Variants in CDH23 observed in about 807,000 individuals in gnomAD.
The protein encoded by CDH23 is cadherin-23.
A neutral mutation model predicts 317.1 loss-of-function variants in CDH23; 189 were observed. The ratio of observed to expected loss-of-function variants is 0.60; its 90% CI spans 0.53 to 0.67. The LOEUF (loss-of-function observed/expected upper bound fraction) is 0.67. Ranked by LOEUF, CDH23 falls within the 30% of genes least tolerant of loss-of-function variation. The pLI, the probability that CDH23 is intolerant of heterozygous loss-of-function variation, is 0.00. For missense variants in CDH23, 4,401 were observed against 4,592.4 expected (o/e 0.96, Z 1.20); for synonymous variants, 1,839 against 1,876.8 (o/e 0.98, Z 0.52).
At chr10:71,778,026 G>A in intron 39 of CDH23, 125 bp downstream of exon 39, 1 of 1,422,440 alleles carries the variant, frequency 7.0e-7, no homozygotes, top group Non-Finnish European at 9.6e-7. Flanking sequence ...GGGGCACTCA[G>A]TGTGGGAGGA....
Position 71,802,951 on chromosome 10 carries a change from C to A in CDH23, c.7536C>A (p.Pro2512=), listed in dbSNP as rs773952857. 1 of 1,614,030 alleles carries A rather than the reference C, an allele frequency of 6.2e-7. No homozygotes were observed. The highest frequency in any genetic ancestry group is 8.5e-7 in the Non-Finnish European group (1 of 1,179,904). ...VNDCRPQFSK[P]QFSTSVYENE... ...ACTGCCGGCCACAGTTCTCCAAGCC[C>A]CAGTTCAGCACAAGCGTGTATGAGA... Residue 2512 remains proline, a synonymous_variant, in exon 54 of 70, where the codon CCC becomes CCA. Coordinates refer to ENST00000224721, the MANE Select transcript of CDH23 (RefSeq NM_022124.6).
intron 3 of CDH23, among the ~76,000 whole-genome samples, chr10:71,447,473 G>A (rs1490386393): frequency 6.6e-5 from 10 of 152,044 alleles, no homozygotes; most frequent in Non-Finnish European, 1.5e-4. Context: ...TTTTTTCAGG[G>A]GGTGCTGGGC....
chr10:71,712,870 A>G (rs777616794), intron 28 of CDH23, 57 bp downstream of exon 28: 9 of 1,577,170 alleles, frequency 5.7e-6, no homozygotes, highest in Non-Finnish European at 7.8e-6. Context: ...GGAGCCACAC[A>G]CGGCCCTGAG....
chr10:71,422,233 A>C (rs2131953983), intron 1 of CDH23, among the ~76,000 whole-genome samples: 1 of 152,148 alleles, frequency 6.6e-6, no homozygotes, highest in East Asian at 1.9e-4. Context: ...TCATCTTGAA[A>C]TCACTGGTTC....
At chr10:71,403,430 TTCCTTCCTTCCTTCCTTCCTTCCTTTCC>T (rs1564558314) in intron 1 of CDH23, among the ~76,000 whole-genome samples, 1 of 75,020 alleles carries the variant, frequency 1.3e-5, no homozygotes, top group Non-Finnish European at 2.3e-5. Context: ...CCTTCCTTCC[TTCCTTCCTTCCTTCCTTCCTTCCTTTCC>T]TTCCTTCCTT....
intron 9 of CDH23, among the ~76,000 whole-genome samples, chr10:71,582,844 C>T (rs1858737271): frequency 1.3e-5 from 2 of 152,188 alleles, no homozygotes; most frequent in African/African-American, 4.8e-5. Flanking sequence ...TGGGAACCTG[C>T]AGTTTGGTCA....
chr10:71,653,057 C>T (rs888835268), intron 14 of CDH23, among the ~76,000 whole-genome samples: 15 of 152,018 alleles, frequency 9.9e-5, no homozygotes, highest in Admixed American at 3.9e-4. Context: ...CCTCCTCTCT[C>T]AGCTCCCATC....
intron 11 of CDH23, among the ~76,000 whole-genome samples, chr10:71,632,310 G>T (rs1862051015): frequency 6.6e-6 from 1 of 152,152 alleles, no homozygotes; most frequent in Admixed American, 6.5e-5. Flanking sequence ...CTCCTATACA[G>T]CTAGAAAGGC....
At position 71,790,395 on chromosome 10, in the gene CDH23, G is replaced by A; in HGVS notation, c.6031G>A (p.Asp2011Asn). 1 of 1,613,222 alleles carries A rather than the reference G, an allele frequency of 6.2e-7. No homozygotes were observed. Among genetic ancestry groups the A allele is most frequent in the Non-Finnish European group, 8.5e-7 (1 of 1,179,760 alleles). ...GCTGGGTGCCCAGAGTGGCCTCTTT[G>A]ACATCAACAGCAGCACCGGTGAGGC... ...QLLGAQSGLF[D>N]INSSTGVVTV... Residue 2011 changes from aspartate to asparagine, a missense_variant, in exon 46 of 70, where the codon GAC (aspartate) becomes AAC (asparagine). Physicochemically the swap from Asp to Asn is conservative, Grantham distance 23. This residue lies in a region of CDH23 where 3,068 missense variants were observed against 3,203.3 expected (regional missense o/e 0.96). Coordinates refer to ENST00000224721, the MANE Select transcript of CDH23 (RefSeq NM_022124.6).
chr10:71,692,715 A>T (rs1208468048), intron 20 of CDH23, among the ~76,000 whole-genome samples: 1 of 152,216 alleles, frequency 6.6e-6, no homozygotes, highest in Non-Finnish European at 1.5e-5. Context: ...TCAGGGTAGA[A>T]GCAGTCCTAA....
At chr10:71,742,266 G>T (rs1339649156) in intron 38 of CDH23, among the ~76,000 whole-genome samples, 1 of 152,176 alleles carries the variant, frequency 6.6e-6, no homozygotes, top group African/African-American at 2.4e-5. Context: ...TCTAGCCCCC[G>T]CTTCACTTGC....
intron 22 of CDH23, among the ~76,000 whole-genome samples, chr10:71,701,392 C>G (rs1465725179): frequency 6.6e-6 from 1 of 152,160 alleles, no homozygotes; most frequent in Non-Finnish European, 1.5e-5. Context: ...CACTAAGGGA[C>G]AGCAGGCTGT....
intron 16 of CDH23, among the ~76,000 whole-genome samples, chr10:71,679,121 C>T (rs1864499360): frequency 1.3e-5 from 2 of 152,128 alleles, no homozygotes; most frequent in African/African-American, 4.8e-5. Flanking sequence ...CCTGCGCCTC[C>T]CACCTGCCCT....
At chr10:71,453,332 G>A (rs7909560) in intron 3 of CDH23, among the ~76,000 whole-genome samples, 68,842 of 152,094 alleles carry the variant, frequency 0.45, 15,806 homozygotes, top group East Asian at 0.6. Context: ...AGGGAGAGCA[G>A]TTTTCAGGTG....
chr10:71,741,612 G>T, intron 37 of CDH23, 82 bp from the exon 38 acceptor site: 1 of 1,191,612 alleles, frequency 8.4e-7, no homozygotes, highest in African/African-American at 1.5e-5. Context: ...TACAGGGGGA[G>T]CCTTCGGGCT....
intron 6 of CDH23, 41 bp downstream of exon 6, chr10:71,511,253 TG>T (rs756676339): frequency 5.9e-6 from 9 of 1,526,872 alleles, no homozygotes; most frequent in Non-Finnish European, 8.2e-6. Flanking sequence ...ATCAGAGACC[TG>T]CTGCTCCCCA....
intron 9 of CDH23, among the ~76,000 whole-genome samples, chr10:71,588,854 A>G (rs1037273659): frequency 5.3e-5 from 8 of 152,132 alleles, no homozygotes; most frequent in Admixed American, 2.6e-4. Flanking sequence ...CACCCTCTCT[A>G]GCCCCTGAAA....
At chr10:71,416,993 A>AT (rs1195345289) in intron 1 of CDH23, among the ~76,000 whole-genome samples, 2 of 136,740 alleles carry the variant, frequency 1.5e-5, no homozygotes, top group East Asian at 2.2e-4. Context: ...GCTCCTTTAA[A>AT]TTTTTTTTCT....
intron 19 of CDH23, among the ~76,000 whole-genome samples, chr10:71,688,846 T>C (rs1381036835): frequency 8.6e-6 from 1 of 116,098 alleles, no homozygotes; most frequent in African/African-American, 3.2e-5. Flanking sequence ...TCAGGGGTGG[T>C]GGAGTCAGGG....
Sources: allele counts gnomAD v4.1 joint callset (sites outside exome capture counted in the v4.1 genomes callset), GRCh38; gene constraint gnomAD v4.1.1; regional missense constraint gnomAD v4.1.1; transcripts MANE v1.5; gene names NCBI Gene and HGNC (gene_info 2026-07-23, HGNC 2026-07-21).